Variants in HMGA2 observed in about 807,000 individuals in gnomAD.
The protein encoded by HMGA2 is high mobility group AT-hook 2, also known as high mobility group protein HMGI-C.
In HMGA2, 8 loss-of-function variants were observed where a neutral mutation model predicts 19.1. The ratio of observed to expected loss-of-function variants is 0.42; its 90% CI spans 0.25 to 0.76. The LOEUF (loss-of-function observed/expected upper bound fraction) is 0.76, where lower values mean the gene tolerates loss of function less well. Among genes scored for constraint, HMGA2 ranks in the 30% least tolerant of loss-of-function variants. HMGA2 has a pLI of 0.28. For synonymous variants in HMGA2, 60 were observed against 48.8 expected (o/e 1.23, Z -0.96); for missense variants, 109 against 136.3 (o/e 0.80, Z 1.00).
intron 3 of HMGA2, among the ~76,000 whole-genome samples, chr12:65,887,879 A>T (rs1873725900): frequency 1.2e-5 from 1 of 82,668 alleles, no homozygotes; most frequent in African/African-American, 1.3e-4. Flanking sequence ...AGGCAAATTA[A>T]AAAAAAAAAA....
intron 3 of HMGA2, among the ~76,000 whole-genome samples, chr12:65,934,489 C>T (rs1345200932): frequency 1.3e-5 from 2 of 152,180 alleles, no homozygotes; most frequent in African/African-American, 4.8e-5. Flanking sequence ...ATTTTACTAT[C>T]TAATATGTTG....
chr12:65,852,841 G>C (rs1189426264), intron 3 of HMGA2, among the ~76,000 whole-genome samples: 1 of 152,190 alleles, frequency 6.6e-6, no homozygotes, highest in Non-Finnish European at 1.5e-5. Flanking sequence ...AATAGGTGAA[G>C]TGCCCAGGAG....
At chr12:65,915,599 CTG>C in intron 3 of HMGA2, 2 of 1,028,684 alleles carry the variant, frequency 1.9e-6, no homozygotes, top group Non-Finnish European at 2.4e-6. Context: ...TGGTATTTTC[CTG>C]TGTCTTTTAT....
intron 4 of HMGA2, chr12:65,957,346 TTTC>T (rs1876632880): frequency 6.6e-6 from 1 of 152,116 alleles, no homozygotes; most frequent in Non-Finnish European, 1.5e-5. Context: ...TGAAATAAAT[TTTC>T]TTCTTCTGGG....
intron 3 of HMGA2, among the ~76,000 whole-genome samples, chr12:65,947,810 T>A (rs928792874): frequency 1.3e-5 from 2 of 152,238 alleles, no homozygotes; most frequent in African/African-American, 4.8e-5. Context: ...GAAGGAAGAA[T>A]CTCCAAGTGA....
At chr12:65,934,090 A>C (rs1226324227) in intron 3 of HMGA2, among the ~76,000 whole-genome samples, 1 of 152,222 alleles carries the variant, frequency 6.6e-6, no homozygotes, top group Non-Finnish European at 1.5e-5. Flanking sequence ...GTAGCCCTCA[A>C]AGAATAGGGA....
At chr12:65,872,672 A>G (rs1490300044) in intron 3 of HMGA2, among the ~76,000 whole-genome samples, 2 of 152,070 alleles carry the variant, frequency 1.3e-5, no homozygotes, top group African/African-American at 2.4e-5. Context: ...ACAAGTCTTT[A>G]TCATCTCTCA....
At chr12:65,879,167 G>A (rs957857014) in intron 3 of HMGA2, among the ~76,000 whole-genome samples, 1 of 152,174 alleles carries the variant, frequency 6.6e-6, no homozygotes, top group Non-Finnish European at 1.5e-5. Flanking sequence ...TAGCTCTGTC[G>A]CCCAGGCGGG....
intron 3 of HMGA2, among the ~76,000 whole-genome samples, chr12:65,935,406 G>A (rs1875856431): frequency 6.6e-6 from 1 of 152,124 alleles, no homozygotes. Flanking sequence ...AATTTGTTGA[G>A]TAAATGACAT....
chr12:65,858,617 C>A (rs1005892424), intron 3 of HMGA2: 2 of 151,916 alleles, frequency 1.3e-5, no homozygotes, highest in African/African-American at 4.8e-5. Context: ...TATATTTGTA[C>A]CTTTACATAT....
intron 3 of HMGA2, among the ~76,000 whole-genome samples, chr12:65,849,780 G>A (rs895311916): frequency 6.7e-5 from 9 of 134,788 alleles, no homozygotes; most frequent in African/African-American, 1.3e-4. Flanking sequence ...GTGCAATGGC[G>A]CGATCCTGGC....
At chr12:65,947,198 C>A (rs1876298275) in intron 3 of HMGA2, among the ~76,000 whole-genome samples, 1 of 151,886 alleles carries the variant, frequency 6.6e-6, no homozygotes, top group Admixed American at 6.6e-5. Flanking sequence ...TAGCTTACTG[C>A]AGCCATAACC....
intron 3 of HMGA2, among the ~76,000 whole-genome samples, chr12:65,906,471 T>A (rs867533286): frequency 6.6e-6 from 1 of 152,208 alleles, no homozygotes; most frequent in Non-Finnish European, 1.5e-5. Flanking sequence ...CATCTTTGTG[T>A]TTATTCATGG....
At chr12:65,962,781 T>A (rs1001322652) in intron 4 of HMGA2, among the ~76,000 whole-genome samples, 1 of 152,172 alleles carries the variant, frequency 6.6e-6, no homozygotes, top group Non-Finnish European at 1.5e-5. Flanking sequence ...TGGTAAGCAC[T>A]CTAAAAATAC....
chr12:65,940,773 C>T (rs1876066641), intron 3 of HMGA2, among the ~76,000 whole-genome samples: 1 of 152,108 alleles, frequency 6.6e-6, no homozygotes, highest in Admixed American at 6.6e-5. Flanking sequence ...TTTTGCAAGT[C>T]AATTACTGTC....
At chr12:65,829,971 C>A (rs1870405141) in intron 2 of HMGA2, among the ~76,000 whole-genome samples, 1 of 151,956 alleles carries the variant, frequency 6.6e-6, no homozygotes, top group Non-Finnish European at 1.5e-5. Context: ...CATGTGTATG[C>A]ATACATTATT....
chr12:65,879,906 A>G (rs1326490838), intron 3 of HMGA2, among the ~76,000 whole-genome samples: 1 of 152,228 alleles, frequency 6.6e-6, no homozygotes, highest in Non-Finnish European at 1.5e-5. Context: ...TAACTTAAAA[A>G]CAACTCGATG....
chr12:65,904,043 T>C (rs1224222966), intron 3 of HMGA2, among the ~76,000 whole-genome samples: 4 of 152,250 alleles, frequency 2.6e-5, no homozygotes, highest in Non-Finnish European at 5.9e-5. Flanking sequence ...TAGCGATCCA[T>C]GAGCAGTAAT....
At chr12:65,828,327 T>A in intron 2 of HMGA2, 1 of 296,616 alleles carries the variant, frequency 3.4e-6, no homozygotes, top group Admixed American at 4.9e-5. Context: ...AGCCACCAAA[T>A]AATTTGAACC....
Sources: allele counts gnomAD v4.1 joint callset (sites outside exome capture counted in the v4.1 genomes callset), GRCh38; gene constraint gnomAD v4.1.1; transcripts MANE v1.5; gene names NCBI Gene and HGNC (gene_info 2026-07-23, HGNC 2026-07-21).